The following PCSK5 variants were observed in gnomAD, a reference collection of about 807,000 sequenced individuals.
PCSK5 encodes the protein proprotein convertase subtilisin/kexin type 5, also known as prohormone convertase 5.
Under a neutral mutation model 233.2 loss-of-function variants are expected in PCSK5, and 129 were observed. The ratio of observed to expected loss-of-function variants is 0.55; its 90% confidence interval spans 0.48 to 0.64. The LOEUF is 0.64. Among genes scored for constraint, PCSK5 ranks in the 30% least tolerant of loss-of-function variants. The pLI, the probability that PCSK5 is intolerant of heterozygous loss-of-function variation, is 0.00. For missense variants in PCSK5, 2,076 were observed against 2,430.1 expected (o/e 0.85, Z 3.06); for synonymous variants, 825 against 879.2 (o/e 0.94, Z 1.09).
intron 20 of PCSK5, among the ~76,000 whole-genome samples, chr9:76,200,475 G>A (rs975060096): frequency 3.9e-5 from 6 of 152,108 alleles, no homozygotes; most frequent in Non-Finnish European, 8.8e-5. Context: ...TTTATGGTTC[G>A]TTACTTGTTG....
chr9:76,114,589 G>A (rs73456453), intron 9 of PCSK5, among the ~76,000 whole-genome samples: 10,515 of 152,114 alleles, frequency 0.069, 1,182 homozygotes, highest in African/African-American at 0.24. Context: ...CCTTCCCTAT[G>A]TGAGAAAACT....
intron 35 of PCSK5, among the ~76,000 whole-genome samples, chr9:76,340,264 T>C (rs966172222): frequency 1.3e-5 from 2 of 152,218 alleles, no homozygotes; most frequent in African/African-American, 4.8e-5. Context: ...AACATAAGTT[T>C]TCATTCAGTG....
chr9:76,049,075 G>A (rs1587550573), intron 5 of PCSK5, among the ~76,000 whole-genome samples: 1 of 151,442 alleles, frequency 6.6e-6, no homozygotes, highest in East Asian at 1.9e-4. Flanking sequence ...CTACCTGAGA[G>A]CAGTTTTTAT....
chr9:76,108,094 G>A (rs920732046), intron 9 of PCSK5, among the ~76,000 whole-genome samples: 3 of 152,106 alleles, frequency 2.0e-5, no homozygotes, highest in African/African-American at 7.2e-5. Context: ...GCTATTTACA[G>A]TATTATTTAT....
intron 5 of PCSK5, among the ~76,000 whole-genome samples, chr9:76,057,630 T>A (rs1327270473): frequency 1.3e-5 from 2 of 152,156 alleles, no homozygotes; most frequent in African/African-American, 4.8e-5. Context: ...AGAAGCCCTT[T>A]ATAAGGAAAT....
chr9:76,292,749 T>C (rs1159196567), intron 25 of PCSK5, among the ~76,000 whole-genome samples: 3 of 152,194 alleles, frequency 2.0e-5, no homozygotes, highest in Admixed American at 1.3e-4. Context: ...ACTCCCAATG[T>C]ACTCTAAAAA....
chr9:75,900,617 A>G (rs1825984854), intron 1 of PCSK5, among the ~76,000 whole-genome samples: 1 of 148,852 alleles, frequency 6.7e-6, no homozygotes, highest in Non-Finnish European at 1.5e-5. Flanking sequence ...AGGCTGAGGC[A>G]TCAGTGAGCC....
intron 1 of PCSK5, among the ~76,000 whole-genome samples, chr9:75,906,905 C>A (rs909739129): frequency 1.3e-5 from 2 of 152,190 alleles, no homozygotes; most frequent in Non-Finnish European, 2.9e-5. Context: ...TCAATGCTTT[C>A]CTGTTGCTCT....
intron 20 of PCSK5, among the ~76,000 whole-genome samples, chr9:76,203,950 C>A (rs1825012502): frequency 6.6e-6 from 1 of 152,124 alleles, no homozygotes; most frequent in Admixed American, 6.6e-5. Flanking sequence ...TCTCTGTGCC[C>A]CTGCTTCCCC....
intron 13 of PCSK5, 103 bp downstream of exon 13, chr9:76,169,943 T>C (rs1001330022): frequency 1.7e-5 from 15 of 899,054 alleles, no homozygotes; most frequent in East Asian, 2.4e-5. Context: ...TCTTTTCTCA[T>C]GTGGTTCATT....
intron 7 of PCSK5, among the ~76,000 whole-genome samples, chr9:76,087,208 T>C (rs1271737864): frequency 6.6e-6 from 1 of 152,234 alleles, no homozygotes; most frequent in Non-Finnish European, 1.5e-5. Flanking sequence ...AATCAACCCT[T>C]ATGAAGAAAG....
At chr9:75,952,124 A>C (rs1381093399) in intron 2 of PCSK5, among the ~76,000 whole-genome samples, 1 of 152,132 alleles carries the variant, frequency 6.6e-6, no homozygotes, top group Admixed American at 6.6e-5. Context: ...AATCCAGCTA[A>C]TTTTTTGATG....
intron 20 of PCSK5, among the ~76,000 whole-genome samples, chr9:76,222,465 T>A (rs1047037400): frequency 1.3e-5 from 2 of 152,214 alleles, no homozygotes; most frequent in Non-Finnish European, 2.9e-5. Flanking sequence ...CTTCATCATC[T>A]TCTTCCACTG....
chr9:76,234,772 C>T (rs1162159553), intron 22 of PCSK5, among the ~76,000 whole-genome samples: 1 of 152,156 alleles, frequency 6.6e-6, no homozygotes, highest in South Asian at 2.1e-4. Flanking sequence ...ATGGTGAGCA[C>T]TTGGAATATT....
At chr9:75,956,916 A>G (rs570537557) in intron 2 of PCSK5, among the ~76,000 whole-genome samples, 1 of 152,234 alleles carries the variant, frequency 6.6e-6, no homozygotes, top group African/African-American at 2.4e-5. Flanking sequence ...GACCAATACT[A>G]GCTTAAAGTA....
chr9:76,045,772 T>C (rs1386304007), intron 5 of PCSK5, among the ~76,000 whole-genome samples: 1 of 152,156 alleles, frequency 6.6e-6, no homozygotes, highest in South Asian at 2.1e-4. Flanking sequence ...ATCCCTATGG[T>C]GGGCACTGAA....
intron 5 of PCSK5, among the ~76,000 whole-genome samples, chr9:76,051,171 T>C (rs757343633): frequency 1.3e-5 from 2 of 152,224 alleles, no homozygotes; most frequent in Admixed American, 6.5e-5. Flanking sequence ...GGGTTCATTT[T>C]TACTGTAAGC....
In PCSK5 at chr9:76,323,400, T is replaced by C. The variant is rs146781861; in HGVS notation, c.4339+112T>C. The C allele has an allele frequency of 5.6e-4, 377 of 673,610 alleles. No homozygotes were observed. In the African/African-American group the frequency reaches 5.9e-3, roughly 10 times the overall value. The allele number at this position is 673,610 out of a possible 1,614,324, so 41.7% of individuals were successfully genotyped here. On this transcript the variant is annotated intron_variant, in intron 32 of 37. Transcript: ENST00000674117. ...TTTTTTGTTGTGTTTTGTTTTTGTT[T>C]TGGGACAAGGTCTCCCTCTATTGCC... is the stretch of plus-strand genomic sequence containing the variant.
chr9:76,354,039 A>G lies in PCSK5; in HGVS notation c.5074A>G (p.Lys1692Glu). 2 of 1,607,822 alleles carry G rather than the reference A, an allele frequency of 1.2e-6. No homozygotes were observed. Among genetic ancestry groups the G allele is most frequent in the Non-Finnish European group, 1.7e-6 (2 of 1,177,526 alleles). The change falls in exon 37 of 38, where the codon AAG becomes GAG. Residue 1692 changes from lysine to glutamate, a missense_variant. Around this residue, in one of 6 missense-constraint regions of PCSK5, gnomAD observed 1,510 missense variants for 1,538.1 expected, o/e 0.98. Coordinates refer to ENST00000674117, the MANE Select transcript of PCSK5 (RefSeq NM_001372043.1). ...VGEYRVGEGE[K>E]FNCEKCHESC... ...TCTTGATTGCTCTTAACAGGGAGAG[A>G]AGTTTAACTGTGAAAAATGCCACGA...
Sources: allele counts gnomAD v4.1 joint callset (sites outside exome capture counted in the v4.1 genomes callset), GRCh38; gene constraint gnomAD v4.1.1; regional missense constraint gnomAD v4.1.1; transcripts MANE v1.5; gene names NCBI Gene and HGNC (gene_info 2026-07-23, HGNC 2026-07-21).